The following ZC3H12B variants were observed in gnomAD, a reference collection of about 807,000 sequenced individuals.
ZC3H12B encodes zinc finger CCCH-type containing 12B, also known as probable ribonuclease ZC3H12B.
Under a neutral mutation model 43.9 loss-of-function variants are expected in ZC3H12B, and 7 were observed. The observed-to-expected ratio is 0.16, with a 90% CI of 0.09 to 0.30. The LOEUF is 0.30. Among genes scored for constraint, ZC3H12B ranks in the 10% least tolerant of loss-of-function variants. The probability of loss-of-function intolerance (pLI) is 1.00; values close to 1 mark genes in which losing one functional copy is unlikely to be tolerated. For synonymous variants in ZC3H12B, 222 were observed against 241.7 expected (o/e 0.92, Z 0.76); for missense variants, 475 against 670.2 (o/e 0.71, Z 3.22).
At chrX:65,448,330 A>G (rs950607913) in intron 3 of ZC3H12B, among the ~76,000 whole-genome samples, 2 of 112,183 alleles carry the variant, frequency 1.8e-5, no homozygotes, top group African/African-American at 6.5e-5. Context: ...GGAAAATGCT[A>G]TGGAAATGTC....
chrX:65,265,576 T>C, the ZC3H12B span, among the ~76,000 whole-genome samples: 1 of 112,107 alleles, frequency 8.9e-6, no homozygotes, highest in Admixed American at 9.5e-5. Flanking sequence ...TGTATGAAAA[T>C]AGGTCTATAG....
chrX:65,058,776 C>T, the ZC3H12B span, among the ~76,000 whole-genome samples: 15 of 112,023 alleles, frequency 1.3e-4, no homozygotes, highest in East Asian at 8.5e-4. Flanking sequence ...TCAGCAGTGG[C>T]GGCCGCTCTT....
At chrX:65,120,854 C>T in the ZC3H12B span, among the ~76,000 whole-genome samples, 2 of 111,347 alleles carry the variant, frequency 1.8e-5, no homozygotes, top group East Asian at 2.8e-4. Context: ...AGTTTTTTAG[C>T]ATGAAGAGTT....
chrX:65,246,201 A>G, the ZC3H12B span, among the ~76,000 whole-genome samples: 4 of 111,752 alleles, frequency 3.6e-5, no homozygotes, highest in Non-Finnish European at 7.5e-5. Context: ...AATACAGGTA[A>G]CTAGGGAGGT....
At chrX:65,078,431 G>T in the ZC3H12B span, among the ~76,000 whole-genome samples, 1 of 112,069 alleles carries the variant, frequency 8.9e-6, no homozygotes, top group African/African-American at 3.2e-5. Context: ...AGATGAGAAT[G>T]AGTAGCTAGT....
chrX:65,212,417 A>T, the ZC3H12B span, among the ~76,000 whole-genome samples: 1 of 59,092 alleles, frequency 1.7e-5, no homozygotes, highest in African/African-American at 7.8e-5. Context: ...TATATTATAT[A>T]TGTAATATAA....
intron 3 of ZC3H12B, among the ~76,000 whole-genome samples, chrX:65,424,547 T>C (rs1417073823): frequency 8.9e-6 from 1 of 112,533 alleles, no homozygotes; most frequent in Non-Finnish European, 1.9e-5. Flanking sequence ...TTCCTGTGTC[T>C]ATATCCTGAA....
At chrX:65,340,176 A>G in the ZC3H12B span, among the ~76,000 whole-genome samples, 1 of 112,292 alleles carries the variant, frequency 8.9e-6, no homozygotes, top group East Asian at 2.8e-4. Context: ...GGGATCTCAC[A>G]GAATGGCACC....
chrX:65,334,946 G>A, the ZC3H12B span, among the ~76,000 whole-genome samples: 1 of 111,850 alleles, frequency 8.9e-6, no homozygotes, highest in East Asian at 2.8e-4. Flanking sequence ...CAGTGGCAGT[G>A]TGGGGACACT....
At chrX:65,329,702 A>G in the ZC3H12B span, among the ~76,000 whole-genome samples, 1 of 111,101 alleles carries the variant, frequency 9.0e-6, no homozygotes, top group African/African-American at 3.3e-5. Flanking sequence ...TTAAGTCTTT[A>G]ATCCATCTTG....
chrX:65,078,716 G>T, the ZC3H12B span, among the ~76,000 whole-genome samples: 1 of 110,945 alleles, frequency 9.0e-6, no homozygotes, highest in Admixed American at 9.5e-5. Context: ...ACTCTTTGGA[G>T]GAATTTTCTT....
chrX:65,225,229 G>A, the ZC3H12B span, among the ~76,000 whole-genome samples: 1 of 112,394 alleles, frequency 8.9e-6, no homozygotes, highest in African/African-American at 3.2e-5. Flanking sequence ...AAAATCTGCT[G>A]TTCTGCAGCC....
At chrX:65,402,047 G>T (rs1011156279) in intron 3 of ZC3H12B, among the ~76,000 whole-genome samples, 3 of 111,878 alleles carry the variant, frequency 2.7e-5, no homozygotes, top group African/African-American at 9.8e-5. Flanking sequence ...CTCTTGGATG[G>T]CATCTCTGGA....
the ZC3H12B span, among the ~76,000 whole-genome samples, chrX:65,155,149 G>C: frequency 3.3e-4 from 36 of 109,606 alleles, no homozygotes; most frequent in South Asian, 0.011. Context: ...ATAGAGACAG[G>C]GTTTCACCAT....
chrX:65,429,371 C>T lies in ZC3H12B; in HGVS notation n.407+30667C>T, dbSNP rs1034852054. Among the ~76,000 whole-genome samples the T allele has an allele frequency of 2.7e-5, 3 of 112,288 alleles. No individual in the cohort carries two copies. The South Asian group carries it at 1.1e-3, about 41-fold the overall frequency. ...AGATTGACAGAGAAGCTGGAACAGC[C>T]AAGGTGGCAGCCTGCCCCATCCCCC... On this transcript the variant is annotated intron_variant and non_coding_transcript_variant, in intron 3 of 5. Coordinates refer to the ZC3H12B transcript ENST00000617377.
At chrX:65,129,244 T>TATATACATATATAC in the ZC3H12B span, among the ~76,000 whole-genome samples, 2 of 106,449 alleles carry the variant, frequency 1.9e-5, no homozygotes, top group African/African-American at 7.0e-5. Flanking sequence ...TATATATGTA[T>TATATACATATATAC]GTGTGTATAT....
chrX:65,374,099 C>CTA (rs1157461822), intron 2 of ZC3H12B, among the ~76,000 whole-genome samples: 2,960 of 56,217 alleles, frequency 0.053, 471 homozygotes, highest in African/African-American at 0.39. Flanking sequence ...ATATATATAA[C>CTA]TATATATAGG....
chrX:65,134,412 C>T, the ZC3H12B span, among the ~76,000 whole-genome samples: 1 of 111,776 alleles, frequency 8.9e-6, no homozygotes, highest in African/African-American at 3.3e-5. Flanking sequence ...GTGACCAGCA[C>T]TGGAGTTTTG....
intron 3 of ZC3H12B, among the ~76,000 whole-genome samples, chrX:65,419,339 G>A (rs1303667461): frequency 1.8e-5 from 2 of 111,688 alleles, no homozygotes; most frequent in Non-Finnish European, 3.8e-5. Context: ...ATGCAGGGGT[G>A]GTGATTCGCA....
Sources: gnomAD v4.1 joint callset for allele counts (sites outside exome capture counted in the v4.1 genomes callset) on GRCh38, gnomAD v4.1.1 for gene constraint, MANE v1.5 for transcripts, NCBI Gene and HGNC (gene_info 2026-07-23, HGNC 2026-07-21) for gene names.